TRPM3: variants seen among roughly 807,000 people sequenced by gnomAD.
TRPM3 encodes the protein transient receptor potential cation channel subfamily M member 3, also known as long transient receptor potential channel 3.
TRPM3 carries 77 observed loss-of-function variants against 181.2 expected under a neutral mutation model. That is an observed-to-expected ratio of 0.42 (90% CI 0.35 to 0.51). TRPM3 has a LOEUF of 0.51. Ranked by LOEUF, TRPM3 falls within the 20% of genes least tolerant of loss-of-function variation. The probability of loss-of-function intolerance (pLI) is 0.01; values close to 1 mark genes in which losing one functional copy is unlikely to be tolerated. For missense variants in TRPM3, 1,759 were observed against 2,196.7 expected (o/e 0.80, Z 3.98); for synonymous variants, 745 against 796.4 (o/e 0.94, Z 1.09).
At chr9:71,237,211 G>A (rs1032987072) in intron 1 of TRPM3, among the ~76,000 whole-genome samples, 8 of 152,192 alleles carry the variant, frequency 5.3e-5, no homozygotes, top group African/African-American at 1.4e-4. Context: ...TAATCAAGCT[G>A]TGTTGTTTTG....
intron 5 of TRPM3, among the ~76,000 whole-genome samples, chr9:70,828,873 A>G (rs533883818): frequency 2.6e-5 from 4 of 152,112 alleles, no homozygotes; most frequent in African/African-American, 7.2e-5. Flanking sequence ...AGAGTCTACC[A>G]CACACACAAT....
intron 1 of TRPM3, among the ~76,000 whole-genome samples, chr9:71,206,651 GA>G (rs1230857366): frequency 1.3e-5 from 2 of 152,106 alleles, no homozygotes; most frequent in African/African-American, 4.8e-5. Context: ...TATTCATGAA[GA>G]CTTTGCTCAT....
chr9:71,240,415 A>G (rs1268245082), intron 1 of TRPM3, among the ~76,000 whole-genome samples: 1 of 152,144 alleles, frequency 6.6e-6, no homozygotes, highest in East Asian at 1.9e-4. Flanking sequence ...TAAGCAATAA[A>G]CAAGTGTTGT....
intron 1 of TRPM3, among the ~76,000 whole-genome samples, chr9:71,432,967 G>A (rs2093980235): frequency 6.6e-6 from 1 of 152,178 alleles, no homozygotes; most frequent in South Asian, 2.1e-4. Flanking sequence ...AGTTGGAATA[G>A]TAATACTAAT....
intron 1 of TRPM3, among the ~76,000 whole-genome samples, chr9:71,326,291 C>T (rs1332140799): frequency 2.0e-5 from 3 of 152,090 alleles, no homozygotes; most frequent in Non-Finnish European, 4.4e-5. Flanking sequence ...AGAGAAAAGC[C>T]AAAAGACTAC....
Position 71,368,961 on chromosome 9 carries a change from A to G in TRPM3, c.183+77692T>C, listed in dbSNP as rs1305861932. On this transcript the variant is annotated intron_variant, in intron 1 of 24. Coordinates refer to the TRPM3 transcript ENST00000357533. ...AAGAAGAAATCACAATGGAAAGTAGAAAATAGTAAACTGAATGATCATGAA... is the reference window on the plus strand; with the variant it reads ...AAGAAGAAATCACAATGGAAAGTAGGAAATAGTAAACTGAATGATCATGAA... Among the ~76,000 whole-genome samples, 4 of 152,248 alleles carry G rather than the reference A, an allele frequency of 2.6e-5. No individual in the cohort carries two copies. The East Asian group carries it at 7.7e-4, about 29-fold the overall frequency.
chr9:70,594,968 C>A (rs2058752660), intron 21 of TRPM3, among the ~76,000 whole-genome samples: 1 of 152,084 alleles, frequency 6.6e-6, no homozygotes, highest in African/African-American at 2.4e-5. Context: ...CTTAAAAGCC[C>A]CTTGAAAGAG....
chr9:71,433,096 T>C (rs1372589287), intron 1 of TRPM3, among the ~76,000 whole-genome samples: 1 of 152,238 alleles, frequency 6.6e-6, no homozygotes, highest in African/African-American at 2.4e-5. Flanking sequence ...GCTATGAATA[T>C]AATCTTCAGC....
chr9:70,942,411 G>A lies in TRPM3; in HGVS notation c.178-77900C>T, dbSNP rs138466897. Among the ~76,000 whole-genome samples the A allele has an allele frequency of 3.8e-3, 578 of 152,268 alleles. 4 individuals carry two copies. The highest frequency in any genetic ancestry group is 0.013 in the African/African-American group (547 of 41,558). ...CAAGAAGAGGAAAAAGCAAAGAATT[G>A]TAAGATTCAGAAAGAAGAGGTGAGC... On this transcript the variant is annotated intron_variant, in intron 1 of 25. Coordinates refer to ENST00000677713, the MANE Select transcript of TRPM3 (RefSeq NM_001366145.2).
At chr9:71,232,270 C>A (rs2081097444) in intron 1 of TRPM3, among the ~76,000 whole-genome samples, 1 of 152,088 alleles carries the variant, frequency 6.6e-6, no homozygotes. Flanking sequence ...GTGCTAGGAA[C>A]CTTATCACAC....
intron 1 of TRPM3, among the ~76,000 whole-genome samples, chr9:71,078,000 T>C (rs1174948857): frequency 2.6e-5 from 4 of 151,474 alleles, no homozygotes; most frequent in Non-Finnish European, 5.9e-5. Flanking sequence ...AGTATACTGG[T>C]CAAAAATTTT....
intron 1 of TRPM3, among the ~76,000 whole-genome samples, chr9:71,081,901 C>A (rs1296161319): frequency 6.6e-6 from 1 of 152,164 alleles, no homozygotes; most frequent in African/African-American, 2.4e-5. Flanking sequence ...ATTGGACTTA[C>A]AATTTATGAT....
At chr9:71,149,482 T>C (rs143550767) in intron 1 of TRPM3, among the ~76,000 whole-genome samples, 91 of 152,206 alleles carry the variant, frequency 6.0e-4, no homozygotes, top group African/African-American at 2.0e-3. Flanking sequence ...GAAGTAATTA[T>C]GGAATGTCTG....
chr9:70,864,543 A>C, intron 1 of TRPM3, 32 bp from the exon 2 acceptor site: 1 of 1,361,446 alleles, frequency 7.3e-7, no homozygotes, highest in Non-Finnish European at 9.7e-7. Flanking sequence ...AAAAAAAAAG[A>C]AAAAAGAAAG....
chr9:71,394,620 T>C (rs557276200), intron 1 of TRPM3, among the ~76,000 whole-genome samples: 1 of 152,340 alleles, frequency 6.6e-6, no homozygotes, highest in African/African-American at 2.4e-5. Flanking sequence ...CTTATATTTT[T>C]TTGGTTGCTA....
At chr9:70,924,735 G>T (rs1257480673) in intron 1 of TRPM3, among the ~76,000 whole-genome samples, 2 of 152,030 alleles carry the variant, frequency 1.3e-5, no homozygotes, top group Non-Finnish European at 2.9e-5. Flanking sequence ...ACACTAATAC[G>T]TAAGCCTTAT....
intron 6 of TRPM3, among the ~76,000 whole-genome samples, chr9:70,794,887 C>T (rs1177238452): frequency 6.6e-6 from 1 of 152,170 alleles, no homozygotes; most frequent in African/African-American, 2.4e-5. Context: ...TACAGTTGGC[C>T]TTCTGCATCC....
chr9:71,211,508 A>G (rs1389253364), intron 1 of TRPM3, among the ~76,000 whole-genome samples: 1 of 152,120 alleles, frequency 6.6e-6, no homozygotes, highest in Non-Finnish European at 1.5e-5. Flanking sequence ...GGCTTAAAAC[A>G]ATAGAAATTT....
At chr9:71,005,423 T>C (rs1027990543) in intron 1 of TRPM3, among the ~76,000 whole-genome samples, 3 of 151,382 alleles carry the variant, frequency 2.0e-5, no homozygotes, top group African/African-American at 7.3e-5. Context: ...AAAAACCTCA[T>C]AGGCTCATAG....
Sources: gnomAD v4.1 joint callset for allele counts (sites outside exome capture counted in the v4.1 genomes callset) on GRCh38, gnomAD v4.1.1 for gene constraint, MANE v1.5 for transcripts, NCBI Gene and HGNC (gene_info 2026-07-23, HGNC 2026-07-21) for gene names.